SCN7A: variants seen among roughly 807,000 people sequenced by gnomAD.
SCN7A encodes sodium channel protein type 7 subunit alpha.
In SCN7A, 138 loss-of-function variants were observed where a neutral mutation model predicts 155.2. The observed-to-expected ratio is 0.89, with a 90% confidence interval of 0.77 to 1.02. The LOEUF is 1.02. Ranked by LOEUF, SCN7A falls within the 50% of genes least tolerant of loss-of-function variation. SCN7A has a pLI of 0.00. For synonymous variants in SCN7A, 693 were observed against 649.0 expected (o/e 1.07, Z -1.03); for missense variants, 2,058 against 1,986.6 (o/e 1.04, Z -0.68).
chr2:166,416,873 C>A lies in SCN7A; in HGVS notation c.3248G>T (p.Arg1083Ile). The change falls in exon 21 of 26, where the codon AGA (arginine) becomes ATA (isoleucine). Residue 1083 changes from arginine to isoleucine, a missense_variant. Coordinates refer to ENST00000643258, the MANE Select transcript of SCN7A (RefSeq NM_002976.4). ...SIMGVDLFAG[R>I]FYECIDPTSG... Reference sequence around the variant, plus strand: ...TGTTGGGTCAATGCATTCATAGAATCTGCCAGCAAATAAGTCTACTCCCAT... The same window carrying A: ...TGTTGGGTCAATGCATTCATAGAATATGCCAGCAAATAAGTCTACTCCCAT... 6.2e-7 allele frequency: 1 copy of A among 1,613,528 alleles called. No homozygotes were observed. Among genetic ancestry groups the A allele is most frequent in the Middle Eastern group, 1.7e-4 (1 of 6,058 alleles).
At chr2:166,412,752 A>T in intron 22 of SCN7A, 85 bp from the exon 23 acceptor site, 1 of 1,424,920 alleles carries the variant, frequency 7.0e-7, no homozygotes. Flanking sequence ...AAACAATAAC[A>T]AAACAAGCAT....
At chr2:166,414,959 T>C (rs1281101679) in intron 21 of SCN7A, among the ~76,000 whole-genome samples, 2 of 119,852 alleles carry the variant, frequency 1.7e-5, no homozygotes, top group African/African-American at 6.8e-5. Flanking sequence ...TATATATTAT[T>C]ATATAGGATA....
intron 2 of SCN7A, among the ~76,000 whole-genome samples, chr2:166,481,082 G>A (rs1247320560): frequency 1.3e-5 from 2 of 152,096 alleles, no homozygotes; most frequent in African/African-American, 2.4e-5. Flanking sequence ...ATCTATATTC[G>A]ATATGACTTA....
chr2:166,425,069 A>T (rs1405194700), intron 18 of SCN7A, among the ~76,000 whole-genome samples: 1 of 152,122 alleles, frequency 6.6e-6, no homozygotes, highest in Non-Finnish European at 1.5e-5. Flanking sequence ...ATAGAGATAT[A>T]AATGCCAGCT....
intron 17 of SCN7A, among the ~76,000 whole-genome samples, chr2:166,428,565 C>A (rs1254615138): frequency 5.3e-5 from 8 of 151,830 alleles, no homozygotes; most frequent in Non-Finnish European, 5.9e-5. Flanking sequence ...AAAATGGAAA[C>A]CTGAGGCTGG....
At chr2:166,416,580 ATT>A (rs1251580875) in intron 21 of SCN7A, 125 bp downstream of exon 21, 27 of 806,100 alleles carry the variant, frequency 3.3e-5, no homozygotes, top group Non-Finnish European at 4.8e-5. Flanking sequence ...GTCCCATTAC[ATT>A]TATCTACTAA....
intron 12 of SCN7A, among the ~76,000 whole-genome samples, chr2:166,447,091 T>C (rs1202565176): frequency 6.6e-6 from 1 of 152,194 alleles, no homozygotes; most frequent in Non-Finnish European, 1.5e-5. Flanking sequence ...TTGAATTTCC[T>C]CTATTGTGTT....
chr2:166,441,421 A>C lies in SCN7A; in HGVS notation c.2132T>G (p.Met711Arg). ...GQSWCIPFYL[M>R]VILIGNLLVL... ...CAGTAAATTTCCAATTAAAATGACCATCAGGTAAAAAGGAATACACCAGGA... is the reference window on the plus strand; with the variant it reads ...CAGTAAATTTCCAATTAAAATGACCCTCAGGTAAAAAGGAATACACCAGGA... Residue 711 changes from methionine to arginine, a missense_variant, in exon 15 of 26, where the codon ATG becomes AGG. Transcript: ENST00000643258. 2 of 1,593,094 alleles carry C rather than the reference A, an allele frequency of 1.3e-6. No homozygotes were observed. Among genetic ancestry groups the C allele is most frequent in the Non-Finnish European group, 1.7e-6 (2 of 1,170,086 alleles).
At chr2:166,487,138 C>G (rs1471774129) in intron 1 of SCN7A, among the ~76,000 whole-genome samples, 170 bp from the exon 2 acceptor site, 1 of 152,170 alleles carries the variant, frequency 6.6e-6, no homozygotes, top group Non-Finnish European at 1.5e-5. Flanking sequence ...TCCTAAAGTT[C>G]TAGGTTACTT....
intron 3 of SCN7A, 55 bp downstream of exon 3, chr2:166,477,408 T>C: frequency 9.2e-7 from 1 of 1,082,064 alleles, no homozygotes; most frequent in Non-Finnish European, 1.3e-6. Flanking sequence ...ATTTTCTGTA[T>C]GTCTGGAAAT....
At chr2:166,459,408 G>C (rs560231339) in intron 10 of SCN7A, among the ~76,000 whole-genome samples, 99 of 152,102 alleles carry the variant, frequency 6.5e-4, no homozygotes, top group African/African-American at 2.1e-3. Context: ...CACATCCCAG[G>C]TTCCCAATAA....
chr2:166,487,913 T>C (rs952945256), intron 1 of SCN7A, among the ~76,000 whole-genome samples: 5 of 152,136 alleles, frequency 3.3e-5, no homozygotes, highest in African/African-American at 4.8e-5. Flanking sequence ...TCAAGCTATT[T>C]TGAAACAATT....
At chr2:166,431,687 G>C (rs527996890) in intron 16 of SCN7A, among the ~76,000 whole-genome samples, 1 of 152,100 alleles carries the variant, frequency 6.6e-6, no homozygotes, top group Admixed American at 6.6e-5. Flanking sequence ...CTTTGAATGC[G>C]ACTCTGATTT....
rs1180509287 is a variant in SCN7A, at chr2:166,487,670, T to C, written c.-127-702A>G. 2.0e-5 allele frequency among the ~76,000 whole-genome samples: 3 copies of C among 152,182 alleles called. No homozygotes were observed. The East Asian group carries it at 5.8e-4, about 29-fold the overall frequency. On this transcript the variant is annotated intron_variant, in intron 1 of 25. Coordinates refer to ENST00000643258, the MANE Select transcript of SCN7A (RefSeq NM_002976.4). ...CAAATGTTAGATTAGCTTTGCCAAATAGAATTGTCGAATGTTCTATTCTAT... is the reference window on the plus strand; with the variant it reads ...CAAATGTTAGATTAGCTTTGCCAAACAGAATTGTCGAATGTTCTATTCTAT...
At chr2:166,487,459 A>G (rs1274941895) in intron 1 of SCN7A, among the ~76,000 whole-genome samples, 1 of 152,166 alleles carries the variant, frequency 6.6e-6, no homozygotes, top group East Asian at 1.9e-4. Flanking sequence ...TTTCTAGAGC[A>G]CAGCCTGCCA....
At chr2:166,489,920 G>T (rs1203605860) in intron 1 of SCN7A, among the ~76,000 whole-genome samples, 1 of 151,848 alleles carries the variant, frequency 6.6e-6, no homozygotes. Context: ...AATATGCACT[G>T]CCATTTTAAA....
intron 16 of SCN7A, among the ~76,000 whole-genome samples, chr2:166,429,585 G>C (rs1225447268): frequency 6.6e-6 from 1 of 151,996 alleles, no homozygotes; most frequent in Non-Finnish European, 1.5e-5. Flanking sequence ...AAAGGATTGG[G>C]GTTCCAAAGT....
intron 1 of SCN7A, among the ~76,000 whole-genome samples, 163 bp downstream of exon 1, chr2:166,493,805 C>T (rs1683167146): frequency 2.0e-5 from 3 of 152,214 alleles, no homozygotes. Context: ...CTTGAAGTAA[C>T]TCTCCTAATG....
Position 166,416,766 on chromosome 2 carries a change from C to T in SCN7A, c.3355G>A (p.Glu1119Lys). Reference protein sequence around the residue: ...SLLFNESMLWENAKMNFDNVG... With the variant: ...SLLFNESMLWKNAKMNFDNVG... ...TTATCAAAGTTCATTTTTGCATTTT[C>T]CCATAGCATGGATTCGTTAAACAGA... Residue 1119 changes from glutamate to lysine, a missense_variant, in exon 21 of 26, where the codon GAA becomes AAA. Coordinates refer to ENST00000643258, the MANE Select transcript of SCN7A (RefSeq NM_002976.4). The T allele has an allele frequency of 1.9e-6, 3 of 1,612,574 alleles. No homozygotes were observed. The highest frequency in any genetic ancestry group is 2.5e-6 in the Non-Finnish European group (3 of 1,179,236).
Sources: gnomAD v4.1 joint callset for allele counts (sites outside exome capture counted in the v4.1 genomes callset) on GRCh38, gnomAD v4.1.1 for gene constraint, MANE v1.5 for transcripts, NCBI Gene and HGNC (gene_info 2026-07-23, HGNC 2026-07-21) for gene names.